COL11A1: variants seen among roughly 807,000 people sequenced by gnomAD.
COL11A1 encodes collagen type XI alpha 1 chain, also known as collagen alpha-1(XI) chain.
In COL11A1, 74 loss-of-function variants were observed where a neutral mutation model predicts 265.2. The observed-to-expected ratio is 0.28, with a 90% CI of 0.23 to 0.34. The LOEUF is 0.34. Ranked by LOEUF, COL11A1 falls within the 10% of genes least tolerant of loss-of-function variation. The probability of loss-of-function intolerance (pLI) is 1.00; values close to 1 mark genes in which losing one functional copy is unlikely to be tolerated. For synonymous variants in COL11A1, 816 were observed against 727.6 expected (o/e 1.12, Z -1.96); for missense variants, 2,165 against 2,263.6 (o/e 0.96, Z 0.88).
At chr1:103,071,915 G>A (rs1300074716) in intron 4 of COL11A1, among the ~76,000 whole-genome samples, 2 of 150,578 alleles carry the variant, frequency 1.3e-5, no homozygotes, top group Non-Finnish European at 3.0e-5. Context: ...CTTAAAGACT[G>A]TACATACATC....
intron 54 of COL11A1, among the ~76,000 whole-genome samples, chr1:102,909,130 G>A (rs903686407): frequency 2.0e-5 from 3 of 152,160 alleles, no homozygotes; most frequent in African/African-American, 7.2e-5. Flanking sequence ...GAGTCATGGG[G>A]ATGGATTTCT....
At chr1:103,031,362 T>TA (rs1475938338) in intron 4 of COL11A1, 118 bp from the exon 5 acceptor site, 1 of 1,224,338 alleles carries the variant, frequency 8.2e-7, no homozygotes, top group Non-Finnish European at 1.1e-6. Flanking sequence ...AAAAATGACC[T>TA]ACTTATATTT....
In COL11A1 at chr1:102,913,620, T is replaced by G. The variant is rs770999656; in HGVS notation, c.4032+17A>C. On this transcript the variant is annotated intron_variant, in intron 53 of 66. Transcript: ENST00000370096. ...GACTATGTAAAAACTTAAAAATAAA[T>G]TAGTGCATTTACTCACCGGTTGACC... 1 of 1,610,512 alleles carries G rather than the reference T, an allele frequency of 6.2e-7. No individual in the cohort carries two copies. Among genetic ancestry groups the G allele is most frequent in the African/African-American group, 1.3e-5 (1 of 74,936 alleles).
Position 103,012,477 on chromosome 1 carries a change from A to G in COL11A1, c.1573-8T>C. 1 of 1,608,138 alleles carries G rather than the reference A, an allele frequency of 6.2e-7. No homozygotes were observed. Among genetic ancestry groups the G allele is most frequent in the Non-Finnish European group, 8.5e-7 (1 of 1,174,938 alleles). ...TGGGCCTCTCAGAGCAATCTAGAAA[A>G]CAAAATATATCAAATTCAGTAATAT... On this transcript the variant is annotated splice_region_variant and splice_polypyrimidine_tract_variant and intron_variant, in intron 13 of 66. Transcript: ENST00000370096.
chr1:103,083,270 G>GTGTGTC (rs1672580927), intron 1 of COL11A1, among the ~76,000 whole-genome samples: 2 of 151,650 alleles, frequency 1.3e-5, no homozygotes, highest in South Asian at 4.2e-4. Context: ...GTGTGTGCGT[G>GTGTGTC]TGTGTGTACA....
chr1:103,042,122 C>G (rs1668861025), intron 4 of COL11A1, among the ~76,000 whole-genome samples: 1 of 152,012 alleles, frequency 6.6e-6, no homozygotes, highest in Admixed American at 6.6e-5. Context: ...TTGTCTTTGA[C>G]TGTTTACCAA....
intron 47 of COL11A1, among the ~76,000 whole-genome samples, chr1:102,922,949 C>T (rs1394108833): frequency 2.0e-5 from 3 of 152,110 alleles, no homozygotes; most frequent in Non-Finnish European, 4.4e-5. Context: ...ATTTTCTTAT[C>T]TAAGGTAGTG....
At chr1:103,085,656 G>C (rs1445502149) in intron 1 of COL11A1, among the ~76,000 whole-genome samples, 1 of 152,120 alleles carries the variant, frequency 6.6e-6, no homozygotes, top group Non-Finnish European at 1.5e-5. Flanking sequence ...ATTCAGAGTA[G>C]ACCATATGCT....
intron 2 of COL11A1, among the ~76,000 whole-genome samples, chr1:103,080,599 G>A (rs534133875): frequency 2.0e-5 from 3 of 151,928 alleles, no homozygotes; most frequent in Admixed American, 6.6e-5. Flanking sequence ...TTAGGAATAT[G>A]TAAATCAAAA....
chr1:102,909,065 C>G (rs759208522), intron 54 of COL11A1, among the ~76,000 whole-genome samples: 1 of 151,974 alleles, frequency 6.6e-6, no homozygotes, highest in Non-Finnish European at 1.5e-5. Flanking sequence ...CCCTCCAAAC[C>G]TCATGTTGAA....
intron 57 of COL11A1, among the ~76,000 whole-genome samples, chr1:102,894,069 TAG>T (rs1351182511): frequency 6.6e-5 from 10 of 152,114 alleles, no homozygotes; most frequent in Admixed American, 2.6e-4. Flanking sequence ...TTAAAACAAA[TAG>T]AGTCTTAAAA....
At position 103,021,757 on chromosome 1, in the gene COL11A1, C is replaced by T. The variant is rs2101938369; in HGVS notation, c.1258G>A (p.Gly420Ser). Residue 420 changes from glycine to serine, a missense_variant, in exon 9 of 67, where the codon GGT becomes AGT. Physicochemically the swap from Gly to Ser is moderately conservative, Grantham distance 56. Coordinates refer to ENST00000370096, the MANE Select transcript of COL11A1 (RefSeq NM_001854.4). The part of the protein sequence containing the change: ...DITETSINGH[G>S]AYGEKGQKGE... ...TTCTGTCCTTTCTCTCCATATGCAC[C>T]ATGGCCATTTATCTGTTGAATGAAA... is the stretch of plus-strand genomic sequence containing the variant. 1 of 1,610,908 alleles carries T rather than the reference C, an allele frequency of 6.2e-7. No homozygotes were observed. Among genetic ancestry groups the T allele is most frequent in the South Asian group, 1.1e-5 (1 of 91,018 alleles).
At chr1:103,028,472 T>C (rs1195562913) in intron 5 of COL11A1, among the ~76,000 whole-genome samples, 1 of 152,182 alleles carries the variant, frequency 6.6e-6, no homozygotes, top group Non-Finnish European at 1.5e-5. Context: ...TAAAGCCTCA[T>C]AACATATTTT....
At chr1:102,940,955 T>C (rs1484421782) in intron 42 of COL11A1, among the ~76,000 whole-genome samples, 1 of 152,206 alleles carries the variant, frequency 6.6e-6, no homozygotes, top group African/African-American at 2.4e-5. Flanking sequence ...GTGTAATTTT[T>C]TAAAAGTGCC....
intron 11 of COL11A1, 139 bp downstream of exon 11, chr1:103,017,681 G>A (rs1475640772): frequency 1.4e-6 from 1 of 732,348 alleles, no homozygotes; most frequent in African/African-American, 1.8e-5. Context: ...TAACTAAAAT[G>A]TTGTGCAGCA....
At chr1:103,059,010 G>A (rs529431444) in intron 4 of COL11A1, among the ~76,000 whole-genome samples, 1 of 151,726 alleles carries the variant, frequency 6.6e-6, no homozygotes, top group Non-Finnish European at 1.5e-5. Flanking sequence ...ATGTGACACA[G>A]TCATGATGTG....
At chr1:103,001,610 A>T (rs1329954167) in intron 24 of COL11A1, 5 of 458,236 alleles carry the variant, frequency 1.1e-5, no homozygotes, top group Non-Finnish European at 1.9e-5. Flanking sequence ...TTTTTGTAAA[A>T]TAATGAGAAA....
intron 66 of COL11A1, among the ~76,000 whole-genome samples, chr1:102,878,475 C>T (rs1321686455): frequency 8.0e-5 from 4 of 49,872 alleles, no homozygotes; most frequent in Admixed American, 2.9e-4. Context: ...ATTGAATCCT[C>T]ATATATATAT....
intron 57 of COL11A1, among the ~76,000 whole-genome samples, chr1:102,893,284 T>C (rs1025214048): frequency 7.2e-5 from 11 of 152,128 alleles, no homozygotes; most frequent in African/African-American, 2.7e-4. Context: ...GCATTAAAAA[T>C]CCTTTCCATA....
Sources: allele counts gnomAD v4.1 joint callset (sites outside exome capture counted in the v4.1 genomes callset), GRCh38; gene constraint gnomAD v4.1.1; transcripts MANE v1.5; gene names NCBI Gene and HGNC (gene_info 2026-07-23, HGNC 2026-07-21).